The following THADA variants were observed in gnomAD, a reference collection of about 807,000 sequenced individuals.
THADA encodes THADA armadillo repeat containing.
THADA carries 213 observed loss-of-function variants against 219.8 expected under a neutral mutation model. The observed-to-expected ratio is 0.97, with a 90% CI of 0.87 to 1.09. The LOEUF is 1.09. Among genes scored for constraint, THADA ranks in the 50% least tolerant of loss-of-function variants. The pLI is 0.00. For synonymous variants in THADA, 1,018 were observed against 828.9 expected (o/e 1.23, Z -3.92); for missense variants, 2,956 against 2,311.3 (o/e 1.28, Z -5.72).
chr2:43,402,100 G>C (rs1328580209), intron 28 of THADA, among the ~76,000 whole-genome samples: 1 of 152,184 alleles, frequency 6.6e-6, no homozygotes, highest in African/African-American at 2.4e-5. Context: ...TGTGGGGGGA[G>C]TTTCCCAGAC....
At position 43,515,075 on chromosome 2, in the gene THADA, AAT is replaced by A. The variant is rs1304539187; in HGVS notation, c.3375-6297_3375-6296del. ...TTTATATATAATATATTTTATATAT[AAT>A]ATATATAAATATATATATTATATAT... On this transcript the variant is annotated intron_variant, in intron 22 of 37. Coordinates refer to ENST00000405975, the MANE Select transcript of THADA (RefSeq NM_022065.5). Among the ~76,000 whole-genome samples the A allele has an allele frequency of 4.0e-3, 110 of 27,474 alleles. 3 individuals carry two copies. The highest frequency in any genetic ancestry group is 7.7e-3 in the Admixed American group (10 of 1,294). The allele number at this position is 27,474 out of a possible 152,430, so 18.0% of individuals were successfully genotyped here. A position where few individuals can be genotyped will look rare whatever the true frequency, so the allele number is the denominator to read the frequency against.
chr2:43,265,586 G>T (rs913659985), intron 36 of THADA, among the ~76,000 whole-genome samples: 64 of 152,144 alleles, frequency 4.2e-4, no homozygotes, highest in Non-Finnish European at 6.8e-4. Flanking sequence ...AAGGTTCCCA[G>T]CCAGTCTGCC....
chr2:43,414,976 T>C (rs1423100941), intron 28 of THADA, among the ~76,000 whole-genome samples: 3 of 152,232 alleles, frequency 2.0e-5, no homozygotes, highest in Non-Finnish European at 4.4e-5. Context: ...GATGCCATGC[T>C]TCACTGAAAA....
At chr2:43,458,808 AG>A (rs1213428247) in intron 26 of THADA, among the ~76,000 whole-genome samples, 1 of 152,200 alleles carries the variant, frequency 6.6e-6, no homozygotes, top group Non-Finnish European at 1.5e-5. Flanking sequence ...AGATTCCTAA[AG>A]GGGGATGTAT....
intron 31 of THADA, among the ~76,000 whole-genome samples, chr2:43,294,844 G>GAA (rs35267248): frequency 4.6e-5 from 7 of 150,734 alleles, no homozygotes; most frequent in South Asian, 2.1e-4. Flanking sequence ...AAAAAAGAAA[G>GAA]AAAAAAAAAC....
At chr2:43,306,838 G>C (rs913741404) in intron 31 of THADA, among the ~76,000 whole-genome samples, 14 of 152,230 alleles carry the variant, frequency 9.2e-5, no homozygotes, top group African/African-American at 3.4e-4. Flanking sequence ...CACCCTGGAT[G>C]TGATGGCCAT....
At chr2:43,305,325 C>T (rs968026050) in intron 31 of THADA, among the ~76,000 whole-genome samples, 4 of 152,136 alleles carry the variant, frequency 2.6e-5, no homozygotes, top group African/African-American at 4.8e-5. Context: ...AATCCTGACC[C>T]CAGGGGCCCC....
intron 31 of THADA, among the ~76,000 whole-genome samples, chr2:43,317,356 TCAAA>T (rs1241031640): frequency 3.3e-5 from 5 of 152,246 alleles, no homozygotes; most frequent in Non-Finnish European, 7.3e-5. Flanking sequence ...CTGCATTTCA[TCAAA>T]CAGTTAATAA....
intron 36 of THADA, among the ~76,000 whole-genome samples, chr2:43,261,517 A>G (rs1183519202): frequency 6.6e-6 from 1 of 151,582 alleles, no homozygotes; most frequent in Non-Finnish European, 1.5e-5. Flanking sequence ...CTGGACTGCA[A>G]TGGCACGATC....
At chr2:43,522,006 G>A (rs1692551717) in intron 22 of THADA, among the ~76,000 whole-genome samples, 1 of 152,166 alleles carries the variant, frequency 6.6e-6, no homozygotes, top group Middle Eastern at 3.4e-3. Flanking sequence ...CTTTCAGTAT[G>A]ATTTATTTTT....
intron 20 of THADA, 93 bp downstream of exon 20, chr2:43,549,117 T>C (rs1024388700): frequency 8.6e-7 from 1 of 1,157,572 alleles, no homozygotes; most frequent in Non-Finnish European, 1.2e-6. Context: ...CTGCACAGAT[T>C]TGCAACCTCT....
chr2:43,337,694 TACACAC>T (rs139544201), intron 30 of THADA, among the ~76,000 whole-genome samples: 20 of 146,388 alleles, frequency 1.4e-4, no homozygotes, highest in African/African-American at 4.0e-4. Flanking sequence ...CACACACTCA[TACACAC>T]ACACACACAC....
chr2:43,354,064 G>A (rs929992203), intron 29 of THADA, among the ~76,000 whole-genome samples: 2 of 151,882 alleles, frequency 1.3e-5, no homozygotes, highest in African/African-American at 2.4e-5. Context: ...TGATCCGCCC[G>A]CCTCAGCCTA....
At chr2:43,267,469 G>C (rs1299481753) in intron 36 of THADA, among the ~76,000 whole-genome samples, 1 of 152,206 alleles carries the variant, frequency 6.6e-6, no homozygotes, top group East Asian at 1.9e-4. Context: ...CCAAAACCCA[G>C]TCTTTCCCCC....
chr2:43,372,681 A>C (rs1415675829), intron 29 of THADA, among the ~76,000 whole-genome samples: 1 of 152,232 alleles, frequency 6.6e-6, no homozygotes, highest in East Asian at 1.9e-4. Flanking sequence ...AAAAGGAAAC[A>C]GGCCATATAA....
chr2:43,293,556 C>T (rs780909056), intron 31 of THADA, among the ~76,000 whole-genome samples: 3 of 152,188 alleles, frequency 2.0e-5, no homozygotes, highest in Non-Finnish European at 4.4e-5. Context: ...CTAGTATAAA[C>T]TTCCTTCAGG....
intron 37 of THADA, among the ~76,000 whole-genome samples, chr2:43,231,943 T>C (rs1487860040): frequency 6.7e-6 from 1 of 149,542 alleles, no homozygotes; most frequent in Non-Finnish European, 1.5e-5. Flanking sequence ...GTTCTCAGGA[T>C]GCTTTTGCTG....
chr2:43,394,768 TG>T (rs1169129212), intron 29 of THADA, among the ~76,000 whole-genome samples: 1 of 152,178 alleles, frequency 6.6e-6, no homozygotes, highest in African/African-American at 2.4e-5. Flanking sequence ...CACATCCCTT[TG>T]ACTTCTTTTT....
intron 24 of THADA, among the ~76,000 whole-genome samples, chr2:43,501,715 G>C (rs541700139): frequency 6.6e-6 from 1 of 152,132 alleles, no homozygotes; most frequent in South Asian, 2.1e-4. Flanking sequence ...AGGCCTTAGC[G>C]GGCAGATCAC....
Sources: allele counts gnomAD v4.1 joint callset (sites outside exome capture counted in the v4.1 genomes callset), GRCh38; gene constraint gnomAD v4.1.1; transcripts MANE v1.5; gene names NCBI Gene and HGNC (gene_info 2026-07-23, HGNC 2026-07-21).